SQOR: variants seen among roughly 807,000 people sequenced by gnomAD.
SQOR encodes sulfide:quinone oxidoreductase, mitochondrial.
Under a neutral mutation model 48.6 loss-of-function variants are expected in SQOR, and 39 were observed. The ratio of observed to expected loss-of-function variants is 0.80; its 90% CI spans 0.62 to 1.05. SQOR has a LOEUF of 1.05. Ranked by LOEUF, SQOR falls within the 50% of genes least tolerant of loss-of-function variation. SQOR has a pLI of 0.00. For synonymous variants in SQOR, 220 were observed against 206.2 expected, an observed-to-expected ratio of 1.07 and a Z score of -0.57; for missense variants, 561 against 559.9, an observed-to-expected ratio of 1.00 and a Z score of -0.02.
At chr15:45,651,759 G>T (rs117451460) in intron 1 of SQOR, among the ~76,000 whole-genome samples, 7 of 151,392 alleles carry the variant, frequency 4.6e-5, no homozygotes, top group Admixed American at 4.6e-4. Context: ...ATGAGCCACC[G>T]TACCCGGCCT....
intron 3 of SQOR, among the ~76,000 whole-genome samples, chr15:45,665,291 G>C (rs1375015513): frequency 6.6e-6 from 1 of 152,082 alleles, no homozygotes; most frequent in Non-Finnish European, 1.5e-5. Flanking sequence ...TTTCTTCCAA[G>C]ATTTTATGAA....
chr15:45,679,026 C>T (rs1161261287), intron 6 of SQOR, among the ~76,000 whole-genome samples: 1 of 152,210 alleles, frequency 6.6e-6, no homozygotes. Flanking sequence ...AACTTGAGTG[C>T]ATGAACTTAA....
chr15:45,672,965 T>C (rs1279785918), intron 4 of SQOR, among the ~76,000 whole-genome samples: 3 of 152,144 alleles, frequency 2.0e-5, no homozygotes, highest in Non-Finnish European at 4.4e-5. Context: ...TCTGATTCAG[T>C]AGGTCTAGGG....
intron 5 of SQOR, among the ~76,000 whole-genome samples, chr15:45,675,260 C>T (rs964164560): frequency 5.9e-5 from 9 of 152,080 alleles, no homozygotes; most frequent in Non-Finnish European, 1.2e-4. Flanking sequence ...GAGGAAGGTT[C>T]GAGTACCATA....
chr15:45,681,125 C>T (rs1413099833), intron 6 of SQOR, among the ~76,000 whole-genome samples: 21 of 152,134 alleles, frequency 1.4e-4, no homozygotes, highest in Admixed American at 1.4e-3. Context: ...ATTGCTTGAG[C>T]CCAGGGGTTC....
chr15:45,684,991 C>T lies in SQOR; in HGVS notation c.1048+2330C>T, dbSNP rs576178196. ...CTCTAGAGCTTATTTAAAGAGTCCA[C>T]TCTTAATTATATCTGGGTTGTTTCC... On this transcript the variant is annotated intron_variant, in intron 7 of 9. Coordinates refer to ENST00000260324, the MANE Select transcript of SQOR (RefSeq NM_021199.4). 7.9e-5 allele frequency among the ~76,000 whole-genome samples: 12 copies of T among 152,298 alleles called. No individual in the cohort carries two copies. The East Asian group carries it at 1.9e-3, about 25-fold the overall frequency.
chr15:45,647,721 A>G (rs553228937), intron 1 of SQOR, among the ~76,000 whole-genome samples: 30 of 152,160 alleles, frequency 2.0e-4, no homozygotes, highest in African/African-American at 7.0e-4. Flanking sequence ...TTTGAGACCA[A>G]CCTGGCCAAC....
At chr15:45,679,474 C>G (rs147199510) in intron 6 of SQOR, among the ~76,000 whole-genome samples, 1 of 152,038 alleles carries the variant, frequency 6.6e-6, no homozygotes, top group East Asian at 1.9e-4. Context: ...GAGGCCGAGG[C>G]GGGTGGATCA....
intron 1 of SQOR, among the ~76,000 whole-genome samples, chr15:45,653,076 G>C (rs902843598): frequency 6.6e-6 from 1 of 152,190 alleles, no homozygotes; most frequent in Non-Finnish European, 1.5e-5. Context: ...TGGTTCCTAA[G>C]TGATGTTTTC....
chr15:45,644,611 A>G (rs1386880712), intron 1 of SQOR, among the ~76,000 whole-genome samples: 1 of 152,208 alleles, frequency 6.6e-6, no homozygotes, highest in Non-Finnish European at 1.5e-5. Flanking sequence ...TTCCCTAGAA[A>G]CAGGAGGCAT....
At chr15:45,673,039 A>G (rs1000081506) in intron 4 of SQOR, among the ~76,000 whole-genome samples, 3 of 152,186 alleles carry the variant, frequency 2.0e-5, no homozygotes, top group Non-Finnish European at 4.4e-5. Context: ...TGGTCTGAGC[A>G]CCACACTTGG....
At chr15:45,688,177 C>T (rs11629585) in intron 7 of SQOR, among the ~76,000 whole-genome samples, 160 bp from the exon 8 acceptor site, 17,903 of 152,228 alleles carry the variant, frequency 0.12, 1,128 homozygotes, top group Middle Eastern at 0.21. Context: ...GAACCCCCTC[C>T]GGTAGTCAGA....
intron 1 of SQOR, among the ~76,000 whole-genome samples, chr15:45,653,544 GCTC>G (rs1889536637): frequency 6.6e-6 from 1 of 152,198 alleles, no homozygotes; most frequent in Non-Finnish European, 1.5e-5. Flanking sequence ...CAACCCAGAA[GCTC>G]TTGTCTTGTT....
At chr15:45,653,537 C>T (rs1204782808) in intron 1 of SQOR, among the ~76,000 whole-genome samples, 1 of 152,212 alleles carries the variant, frequency 6.6e-6, no homozygotes, top group African/African-American at 2.4e-5. Flanking sequence ...AGTTCACCAA[C>T]CCAGAAGCTC....
intron 1 of SQOR, 46 bp from the exon 2 acceptor site, chr15:45,658,861 G>A (rs1009801198): frequency 2.2e-6 from 3 of 1,380,868 alleles, no homozygotes; most frequent in Admixed American, 3.0e-5. Flanking sequence ...TCAGTCCCAC[G>A]ATGGTTTCTA....
chr15:45,673,008 C>T (rs1340879506), intron 4 of SQOR, among the ~76,000 whole-genome samples: 1 of 152,178 alleles, frequency 6.6e-6, no homozygotes, highest in African/African-American at 2.4e-5. Context: ...CTAGCAAGTT[C>T]CCAGGTGGTG....
intron 6 of SQOR, among the ~76,000 whole-genome samples, chr15:45,677,655 T>C (rs1406263061): frequency 6.6e-6 from 1 of 152,216 alleles, no homozygotes; most frequent in Non-Finnish European, 1.5e-5. Flanking sequence ...CATTTTGAGT[T>C]TGTCAGTGTT....
chr15:45,658,828 C>T (rs1435703372), intron 1 of SQOR, 79 bp from the exon 2 acceptor site: 4 of 1,181,924 alleles, frequency 3.4e-6, no homozygotes, highest in African/African-American at 3.1e-5. Flanking sequence ...GCCGGCCTCC[C>T]TTCCTCCTGG....
chr15:45,665,875 TGCCCA>T (rs1889807931), intron 3 of SQOR, among the ~76,000 whole-genome samples: 1 of 152,208 alleles, frequency 6.6e-6, no homozygotes. Flanking sequence ...TGAGCCACCG[TGCCCA>T]GCCCATTCCA....
Sources: gnomAD v4.1 joint callset for allele counts (sites outside exome capture counted in the v4.1 genomes callset) on GRCh38, gnomAD v4.1.1 for gene constraint, MANE v1.5 for transcripts, NCBI Gene and HGNC (gene_info 2026-07-23, HGNC 2026-07-21) for gene names.